CHSY3: variants seen among roughly 807,000 people sequenced by gnomAD.
CHSY3 encodes N-acetylgalactosaminyl-proteoglycan 3-beta-glucuronosyltransferase 3.
CHSY3 carries 35 observed loss-of-function variants against 67.2 expected under a neutral mutation model. That is an observed-to-expected ratio of 0.52 (90% CI 0.40 to 0.69). The LOEUF (loss-of-function observed/expected upper bound fraction) is 0.69, where lower values mean the gene tolerates loss of function less well. CHSY3 is among the 30% of genes least tolerant of loss of function. The pLI, the probability that CHSY3 is intolerant of heterozygous loss-of-function variation, is 0.00. For synonymous variants in CHSY3, 474 were observed against 434.7 expected, an observed-to-expected ratio of 1.09 and a Z score of -1.12; for missense variants, 1,069 against 1,138.5, an observed-to-expected ratio of 0.94 and a Z score of 0.88.
At chr5:130,148,971 T>C (rs1769154555) in intron 2 of CHSY3, among the ~76,000 whole-genome samples, 1 of 152,198 alleles carries the variant, frequency 6.6e-6, no homozygotes, top group Non-Finnish European at 1.5e-5. Flanking sequence ...TCTTTGCCTG[T>C]TCATATGTCC....
chr5:130,023,262 C>T (rs1387175859), intron 2 of CHSY3, among the ~76,000 whole-genome samples: 1 of 151,852 alleles, frequency 6.6e-6, no homozygotes, highest in Non-Finnish European at 1.5e-5. Flanking sequence ...TAGTTGCTTA[C>T]AGATGTTAGG....
intron 2 of CHSY3, among the ~76,000 whole-genome samples, chr5:129,934,972 A>G (rs1239987127): frequency 6.6e-6 from 1 of 152,216 alleles, no homozygotes; most frequent in Non-Finnish European, 1.5e-5. Flanking sequence ...TAAATGAATC[A>G]AAACGAGAGC....
chr5:130,143,544 C>A (rs1419708091), intron 2 of CHSY3, among the ~76,000 whole-genome samples: 1 of 151,412 alleles, frequency 6.6e-6, no homozygotes, highest in Non-Finnish European at 1.5e-5. Context: ...ATGATATATT[C>A]ATTCATTCTA....
At chr5:129,992,075 G>C (rs956352666) in intron 2 of CHSY3, among the ~76,000 whole-genome samples, 2 of 152,148 alleles carry the variant, frequency 1.3e-5, no homozygotes, top group African/African-American at 4.8e-5. Flanking sequence ...TTGTTTTGTA[G>C]CTTGCCTTTG....
At chr5:130,068,638 T>C (rs1384780916) in intron 2 of CHSY3, among the ~76,000 whole-genome samples, 1 of 152,156 alleles carries the variant, frequency 6.6e-6, no homozygotes, top group African/African-American at 2.4e-5. Flanking sequence ...AGCAAGTTCA[T>C]AGGAATAAGT....
In CHSY3 at chr5:130,145,480, A is replaced by C. The variant is rs370479051; in HGVS notation, c.1087-38749A>C. On this transcript the variant is annotated intron_variant, in intron 2 of 2. Transcript: ENST00000305031. ...ACTTTAAGGAGAATATTAAAGACTT[A>C]AATGTAAAACCTGAAATGATGAAAC... 1.1e-4 allele frequency among the ~76,000 whole-genome samples: 17 copies of C among 152,342 alleles called. 1 individual carries two copies. The highest frequency in any genetic ancestry group is 6.5e-4 in the Admixed American group (10 of 15,298).
intron 2 of CHSY3, among the ~76,000 whole-genome samples, chr5:130,144,977 A>G (rs1216986011): frequency 1.3e-5 from 2 of 152,178 alleles, no homozygotes; most frequent in Non-Finnish European, 2.9e-5. Context: ...GGGAACCAGC[A>G]CTTCACATGG....
intron 2 of CHSY3, among the ~76,000 whole-genome samples, chr5:130,080,033 A>AAC (rs1183955570): frequency 3.9e-4 from 41 of 104,462 alleles, no homozygotes; most frequent in African/African-American, 1.3e-3. Context: ...AATACACCTG[A>AAC]ACATACACAC....
Position 129,940,037 on chromosome 5 carries a change from G to GA in CHSY3, c.1086+31683dup, listed in dbSNP as rs571534908. 3.3e-5 allele frequency among the ~76,000 whole-genome samples: 5 copies of GA among 152,102 alleles called. No homozygotes were observed. The South Asian group carries it at 1.0e-3, about 32-fold the overall frequency. On this transcript the variant is annotated intron_variant, in intron 2 of 2. Coordinates refer to ENST00000305031, the MANE Select transcript of CHSY3 (RefSeq NM_175856.5). ...ATGCTGATCAAATTATAACACCGTT[G>GA]AAAAAATTCTTTAGAGGCTTGTCAT...
intron 2 of CHSY3, among the ~76,000 whole-genome samples, chr5:129,975,224 A>G (rs929831455): frequency 6.6e-6 from 1 of 152,196 alleles, no homozygotes. Context: ...CTTAAAGTAT[A>G]ATAAAAAATA....
At chr5:129,943,864 A>T (rs1761769299) in intron 2 of CHSY3, among the ~76,000 whole-genome samples, 1 of 152,232 alleles carries the variant, frequency 6.6e-6, no homozygotes, top group Admixed American at 6.5e-5. Context: ...ATAAAATTTG[A>T]AAGGCATTAA....
At chr5:130,138,407 C>T (rs731552) in intron 2 of CHSY3, among the ~76,000 whole-genome samples, 6,891 of 152,232 alleles carry the variant, frequency 0.045, 430 homozygotes, top group East Asian at 0.27. Context: ...CCTGGAAGGA[C>T]CACAGGGCCA....
At chr5:129,991,459 A>G (rs1371687845) in intron 2 of CHSY3, among the ~76,000 whole-genome samples, 1 of 152,134 alleles carries the variant, frequency 6.6e-6, no homozygotes, top group African/African-American at 2.4e-5. Context: ...AATTTCATCA[A>G]CACATTATTT....
At chr5:129,950,933 C>G (rs1762005514) in intron 2 of CHSY3, among the ~76,000 whole-genome samples, 1 of 152,080 alleles carries the variant, frequency 6.6e-6, no homozygotes, top group Admixed American at 6.6e-5. Context: ...ACAAAAAATC[C>G]TGAATAGCTA....
intron 2 of CHSY3, among the ~76,000 whole-genome samples, chr5:129,919,250 G>C (rs1760838810): frequency 6.6e-6 from 1 of 151,388 alleles, no homozygotes; most frequent in African/African-American, 2.4e-5. Context: ...GCTACCAACT[G>C]TTCAGAGAAG....
chr5:129,957,650 A>G (rs1561472744), intron 2 of CHSY3, among the ~76,000 whole-genome samples: 5 of 152,132 alleles, frequency 3.3e-5, no homozygotes, highest in East Asian at 1.9e-4. Flanking sequence ...ACTGTGTTCT[A>G]TTTTTCACTG....
At chr5:130,157,493 A>C (rs1032242514) in intron 2 of CHSY3, among the ~76,000 whole-genome samples, 4 of 152,234 alleles carry the variant, frequency 2.6e-5, no homozygotes, top group African/African-American at 9.6e-5. Context: ...TGAGTTTGGC[A>C]ATGTTAGATG....
At chr5:129,956,211 C>T (rs955525860) in intron 2 of CHSY3, among the ~76,000 whole-genome samples, 1 of 152,072 alleles carries the variant, frequency 6.6e-6, no homozygotes, top group Non-Finnish European at 1.5e-5. Flanking sequence ...TATTTTTTGA[C>T]ATTTTAATAA....
At chr5:129,961,040 T>C (rs1762314674) in intron 2 of CHSY3, among the ~76,000 whole-genome samples, 2 of 152,210 alleles carry the variant, frequency 1.3e-5, no homozygotes, top group African/African-American at 4.8e-5. Context: ...GAATGTTTGG[T>C]TGATTGCGGC....
Sources: gnomAD v4.1 joint callset for allele counts (sites outside exome capture counted in the v4.1 genomes callset) on GRCh38, gnomAD v4.1.1 for gene constraint, MANE v1.5 for transcripts, NCBI Gene and HGNC (gene_info 2026-07-23, HGNC 2026-07-21) for gene names.